The following TM9SF3 variants were observed in gnomAD, a reference collection of about 807,000 sequenced individuals.
TM9SF3 encodes transmembrane 9 superfamily member 3, also known as SM-11044-binding protein.
In TM9SF3, 14 loss-of-function variants were observed where a neutral mutation model predicts 78.6. The ratio of observed to expected loss-of-function variants is 0.18; its 90% confidence interval spans 0.12 to 0.28. TM9SF3 has a LOEUF of 0.28. TM9SF3 is among the 10% of genes least tolerant of loss of function. TM9SF3 has a pLI of 1.00. For missense variants in TM9SF3, 496 were observed against 721.9 expected (o/e 0.69, Z 3.59); for synonymous variants, 231 against 241.7 (o/e 0.96, Z 0.41).
intron 9 of TM9SF3, among the ~76,000 whole-genome samples, chr10:96,534,211 T>C (rs1847929007): frequency 6.6e-6 from 1 of 152,170 alleles, no homozygotes; most frequent in African/African-American, 2.4e-5. Context: ...TATGTGTTTT[T>C]AAACAAGCCA....
chr10:96,561,550 T>C (rs565363838), intron 4 of TM9SF3, among the ~76,000 whole-genome samples: 1 of 152,326 alleles, frequency 6.6e-6, no homozygotes, highest in Middle Eastern at 3.4e-3. Context: ...TGCAGGAGTA[T>C]ATTATTCCAA....
intron 2 of TM9SF3, among the ~76,000 whole-genome samples, chr10:96,569,800 G>A (rs1168660023): frequency 3.3e-5 from 5 of 152,186 alleles, no homozygotes; most frequent in African/African-American, 4.8e-5. Context: ...TTGGGAGGCC[G>A]AGGCAGGCAG....
At chr10:96,529,283 T>G (rs940078278) in intron 11 of TM9SF3, among the ~76,000 whole-genome samples, 3 of 152,204 alleles carry the variant, frequency 2.0e-5, no homozygotes, top group Non-Finnish European at 2.9e-5. Flanking sequence ...TCCATATCTA[T>G]TTATGTCAGT....
intron 9 of TM9SF3, among the ~76,000 whole-genome samples, chr10:96,540,750 T>C (rs367805878): frequency 1.3e-5 from 2 of 150,538 alleles, no homozygotes; most frequent in African/African-American, 2.4e-5. Flanking sequence ...TTTTCTAACA[T>C]TGGTTTTATA....
chr10:96,571,437 A>C (rs1848435532), intron 2 of TM9SF3, among the ~76,000 whole-genome samples: 1 of 152,164 alleles, frequency 6.6e-6, no homozygotes. Flanking sequence ...GAAGCTAGGG[A>C]CTGAAAACAG....
At position 96,576,354 on chromosome 10, in the gene TM9SF3, A is replaced by G. The variant is rs1006715321; in HGVS notation, c.298+280T>C. On this transcript the variant is annotated intron_variant, in intron 2 of 14. Coordinates refer to ENST00000371142, the MANE Select transcript of TM9SF3 (RefSeq NM_020123.4). ...TTACTAATATACTTTCCTAAATGCAATACACCTCATTTACAGACTAAAACA... is the reference window on the plus strand; with the variant it reads ...TTACTAATATACTTTCCTAAATGCAGTACACCTCATTTACAGACTAAAACA... The G allele has an allele frequency of 4.2e-5, 9 of 214,324 alleles. 1 individual carries two copies. In the East Asian group the frequency reaches 7.6e-4, roughly 18 times the overall value. The allele number at this position is 214,324 out of a possible 1,614,324, so 13.3% of individuals were successfully genotyped here.
intron 9 of TM9SF3, among the ~76,000 whole-genome samples, chr10:96,534,923 T>A (rs1394116162): frequency 6.6e-6 from 1 of 152,176 alleles, no homozygotes; most frequent in Non-Finnish European, 1.5e-5. Flanking sequence ...TTGTCATTGA[T>A]TAGGAAGGCT....
intron 2 of TM9SF3, among the ~76,000 whole-genome samples, chr10:96,572,649 C>T (rs2134157742): frequency 6.6e-6 from 1 of 151,868 alleles, no homozygotes; most frequent in East Asian, 1.9e-4. Context: ...GCCTCAGCCT[C>T]CCGAGTAGCT....
rs79011844 is a variant in TM9SF3, at chr10:96,522,849, G to A, written c.1703-519C>T. On this transcript the variant is annotated intron_variant, in intron 14 of 14. Transcript: ENST00000371142. The stretch of plus-strand genomic sequence containing the variant: ...CTGACAGCTTCTTTTTTATTTTTAA[G>A]TTGTAGAAGCTGTGTAGTTGGTAGT... Among the ~76,000 whole-genome samples the A allele has an allele frequency of 8.0e-3, 1,209 of 151,916 alleles. 20 individuals are homozygous for A. The highest frequency in any genetic ancestry group is 0.028 in the African/African-American group (1,159 of 41,492).
chr10:96,560,762 A>G (rs1192123668), intron 4 of TM9SF3: 7 of 569,728 alleles, frequency 1.2e-5, no homozygotes, highest in East Asian at 4.4e-5. Context: ...AAAATGCACA[A>G]AAGTCAAATC....
rs1400631706 is a variant in TM9SF3, at chr10:96,519,765, CTTCT to C, written c.*2494_*2497del. The C allele has an allele frequency of 7.9e-5, 12 of 151,896 alleles. No homozygotes were observed. Among genetic ancestry groups the C allele is most frequent in the African/African-American group, 2.2e-4 (9 of 41,510 alleles). 9.4% of individuals were successfully genotyped at this position (151,896 alleles called of 1,614,324 possible). A position where few individuals can be genotyped will look rare whatever the true frequency, so the allele number is the denominator to read the frequency against. On this transcript the variant is annotated 3_prime_UTR_variant, in exon 15 of 15. Coordinates refer to ENST00000371142, the MANE Select transcript of TM9SF3 (RefSeq NM_020123.4). ...GAGCTAAACTATTTGTGAATTACAT[CTTCT>C]TTAAGAAGACACACACACACGCACA...
Position 96,520,755 on chromosome 10 carries a change from A to G in TM9SF3, c.*1508T>C, listed in dbSNP as rs1050735170. 9 of 394,010 alleles carry G rather than the reference A, an allele frequency of 2.3e-5. No homozygotes were observed. The highest frequency in any genetic ancestry group is 1.9e-4 in the African/African-American group (9 of 48,442). The allele number at this position is 394,010 out of a possible 1,614,324, so 24.4% of individuals were successfully genotyped here. ...ACCCCATCCCCACTTTACACGGTAC[A>G]CCAACCTGAACAGATTTTGTGCCAC... On this transcript the variant is annotated 3_prime_UTR_variant, in exon 15 of 15. Transcript: ENST00000371142.
chr10:96,563,622 C>T (rs1848335988), intron 3 of TM9SF3, among the ~76,000 whole-genome samples: 1 of 152,194 alleles, frequency 6.6e-6, no homozygotes, highest in Non-Finnish European at 1.5e-5. Flanking sequence ...AAGTGATCCG[C>T]CCACCTTGGC....
chr10:96,583,715 G>A (rs1456795736), intron 1 of TM9SF3, among the ~76,000 whole-genome samples: 1 of 150,490 alleles, frequency 6.6e-6, no homozygotes, highest in Non-Finnish European at 1.5e-5. Context: ...TAATAGATGA[G>A]TTAATAAGTG....
chr10:96,586,339 T>A (rs1230717279), intron 1 of TM9SF3, among the ~76,000 whole-genome samples: 2 of 152,138 alleles, frequency 1.3e-5, no homozygotes, highest in Non-Finnish European at 2.9e-5. Context: ...CAGCCCTCAG[T>A]AGCCAGAAGG....
intron 14 of TM9SF3, among the ~76,000 whole-genome samples, chr10:96,525,461 A>G (rs1847827787): frequency 6.6e-6 from 1 of 152,048 alleles, no homozygotes; most frequent in Non-Finnish European, 1.5e-5. Context: ...GCGCACACAC[A>G]TGATCACATA....
At chr10:96,537,848 C>T (rs1847978649) in intron 9 of TM9SF3, among the ~76,000 whole-genome samples, 1 of 152,048 alleles carries the variant, frequency 6.6e-6, no homozygotes, top group Non-Finnish European at 1.5e-5. Context: ...GATAACAAAA[C>T]CTGAACACTA....
chr10:96,522,328 C>T lies in TM9SF3; in HGVS notation c.1705G>A (p.Ala569Thr). Residue 569 changes from alanine to threonine, a missense_variant and splice_region_variant, in exon 15 of 15, where the codon GCG becomes ACG. Transcript: ENST00000371142. ...GCACTTGTTCCCATGTAACCAATCG[C>T]TCCTGCAAAGATAAAATAAGATGTT... is the stretch of plus-strand genomic sequence containing the variant. ...FSTALGIMCG[A>T]IGYMGTSAFV... The T allele has an allele frequency of 1.3e-6, 2 of 1,565,554 alleles. No individual in the cohort carries two copies. Among genetic ancestry groups the T allele is most frequent in the East Asian group, 2.3e-5 (1 of 43,076 alleles).
At chr10:96,571,978 C>T (rs915850482) in intron 2 of TM9SF3, among the ~76,000 whole-genome samples, 2 of 152,116 alleles carry the variant, frequency 1.3e-5, no homozygotes, top group South Asian at 4.1e-4. Context: ...AGGCACAAAC[C>T]GTCTGGATGC....
Sources: allele counts gnomAD v4.1 joint callset (sites outside exome capture counted in the v4.1 genomes callset), GRCh38; gene constraint gnomAD v4.1.1; transcripts MANE v1.5; gene names NCBI Gene and HGNC (gene_info 2026-07-23, HGNC 2026-07-21).